ARHGEF2: variants seen among roughly 807,000 people sequenced by gnomAD.
ARHGEF2 encodes rho guanine nucleotide exchange factor 2.
A neutral mutation model predicts 121.0 loss-of-function variants in ARHGEF2; 22 were observed. The ratio of observed to expected loss-of-function variants is 0.18; its 90% CI spans 0.13 to 0.26. The LOEUF (loss-of-function observed/expected upper bound fraction) is 0.26. Ranked by LOEUF, ARHGEF2 falls within the 10% of genes least tolerant of loss-of-function variation. The probability of loss-of-function intolerance (pLI) is 1.00; values close to 1 mark genes in which losing one functional copy is unlikely to be tolerated. For synonymous variants in ARHGEF2, 487 were observed against 530.0 expected (o/e 0.92, Z 1.11); for missense variants, 907 against 1,336.0 (o/e 0.68, Z 5.01).
rs2102631007 is a variant in ARHGEF2 at position 155,951,454 on chromosome 1, T to C, written c.2259+29A>G. 6.2e-7 allele frequency: 1 copy of C among 1,613,838 alleles called. No individual in the cohort carries two copies. The highest frequency in any genetic ancestry group is 2.2e-5 in the East Asian group (1 of 44,864). ...GGCATCTCTAGCCTGGCTCCTCCCC[T>C]TCCCCATTCAAGCCCTTGTCCTACT... On this transcript the variant is annotated intron_variant, in intron 19 of 21. Coordinates refer to ENST00000361247, the MANE Select transcript of ARHGEF2 (RefSeq NM_001162383.2). This position sits in a 1 kb window ranked among gnomAD's most constrained non-coding sequence, Gnocchi z 5.1.
intron 21 of ARHGEF2, among the ~76,000 whole-genome samples, chr1:155,949,528 G>A (rs976815081): frequency 2.6e-5 from 4 of 151,020 alleles, no homozygotes; most frequent in African/African-American, 9.8e-5. Context: ...TGCAGTAAGC[G>A]GAGATCTCAC....
At chr1:155,954,318 C>G (rs1676178053) in intron 14 of ARHGEF2, among the ~76,000 whole-genome samples, 1 of 137,826 alleles carries the variant, frequency 7.3e-6, no homozygotes, top group African/African-American at 2.7e-5. Context: ...GAGTCTCCCT[C>G]TGTTGCCCAG....
chr1:155,967,031 C>T, intron 2 of ARHGEF2, 144 bp from the exon 3 acceptor site: 6 of 696,158 alleles, frequency 8.6e-6, no homozygotes, highest in East Asian at 8.1e-5. Context: ...ATTACCACAC[C>T]CCAGTCCCTC....
At chr1:155,955,029 C>T (rs1202311117) in intron 13 of ARHGEF2, 60 bp from the exon 14 acceptor site, 2 of 1,428,582 alleles carry the variant, frequency 1.4e-6, no homozygotes, top group Middle Eastern at 1.8e-4. Flanking sequence ...AGACCAGAAT[C>T]AGCCTTCCCT....
At chr1:155,958,079 A>G (rs1572098044) in intron 12 of ARHGEF2, among the ~76,000 whole-genome samples, 197 bp from the exon 13 acceptor site, 3 of 152,250 alleles carry the variant, frequency 2.0e-5, no homozygotes, top group African/African-American at 7.2e-5. Flanking sequence ...ACTGACTTGA[A>G]GCTTTACTTT....
At chr1:155,959,208 G>A (rs1677370004) in intron 11 of ARHGEF2, among the ~76,000 whole-genome samples, 1 of 152,028 alleles carries the variant, frequency 6.6e-6, no homozygotes, top group Non-Finnish European at 1.5e-5. Flanking sequence ...GAGCAAGAGG[G>A]ACCATACTTT....
intron 11 of ARHGEF2, among the ~76,000 whole-genome samples, chr1:155,960,955 C>T (rs557777767): frequency 2.0e-5 from 3 of 152,298 alleles, no homozygotes; most frequent in South Asian, 2.1e-4. Context: ...TGTCCTTCAC[C>T]GGCTCAGTCC....
At position 155,962,035 on chromosome 1, in the gene ARHGEF2, GTCATACC is replaced by G; in HGVS notation, c.1219+63_1219+69del. Reference sequence around the variant, plus strand: ...CACACCCGACCCCACCCTTCCTGTGGTCATACCGAGCCTTTCCTCACCCCAGGTGGCC... The same window carrying G: ...CACACCCGACCCCACCCTTCCTGTGGGAGCCTTTCCTCACCCCAGGTGGCC... On this transcript the variant is annotated intron_variant, in intron 10 of 21. Coordinates refer to ENST00000361247, the MANE Select transcript of ARHGEF2 (RefSeq NM_001162383.2). This position sits in a 1 kb window ranked among gnomAD's most constrained non-coding sequence, Gnocchi z 5.8. 6.2e-7 allele frequency: 1 copy of G among 1,606,182 alleles called. No individual in the cohort carries two copies. Among genetic ancestry groups the G allele is most frequent in the Non-Finnish European group, 8.5e-7 (1 of 1,174,044 alleles).
chr1:155,965,292 G>C lies in ARHGEF2; in HGVS notation c.580+11C>G. ...GTTCCTCAGGGCTCCCCTGGGCCCA[G>C]GCCTGCTCACCTTCGTCAATGAGGG... On this transcript the variant is annotated intron_variant, in intron 6 of 21. Coordinates refer to ENST00000361247, the MANE Select transcript of ARHGEF2 (RefSeq NM_001162383.2). This position sits in a 1 kb window ranked among gnomAD's most constrained non-coding sequence, Gnocchi z 6.0. 6.2e-7 allele frequency: 1 copy of C among 1,613,544 alleles called. No individual in the cohort carries two copies. Among genetic ancestry groups the C allele is most frequent in the Non-Finnish European group, 8.5e-7 (1 of 1,179,478 alleles).
intron 14 of ARHGEF2, 94 bp downstream of exon 14, chr1:155,954,808 T>C: frequency 8.2e-7 from 1 of 1,222,858 alleles, no homozygotes; most frequent in Non-Finnish European, 1.2e-6. Context: ...ACACCAGCCC[T>C]CATAGAGCCA....
chr1:155,947,523 G>A lies in ARHGEF2; in HGVS notation c.*419C>T. ...TCTCCTCCAAGACGGATGTTGCAGG[G>A]GAGGGCCGTTAGGGCAAGAACCCAG... On this transcript the variant is annotated 3_prime_UTR_variant, in exon 22 of 22. Transcript: ENST00000361247. The A allele has an allele frequency of 4.6e-6, 2 of 430,552 alleles. No homozygotes were observed. Among genetic ancestry groups the A allele is most frequent in the Non-Finnish European group, 9.3e-6 (2 of 214,026 alleles). 26.7% of individuals were successfully genotyped at this position (430,552 alleles called of 1,614,324 possible).
rs1679171412 is a variant in ARHGEF2, at chr1:155,965,439, C to T, written c.471-27G>A. On this transcript the variant is annotated intron_variant, in intron 5 of 21. Coordinates refer to ENST00000361247, the MANE Select transcript of ARHGEF2 (RefSeq NM_001162383.2). The surrounding 1 kb of genome is among the most constrained non-coding windows in gnomAD (Gnocchi z 6.0). ...TGAAGAAAGTGGAGGCTGTCTGCAT[C>T]ACCCCCAGTCGGGCAAAAGATCCCT... The T allele has an allele frequency of 6.2e-7, 1 of 1,608,778 alleles. No individual in the cohort carries two copies. Among genetic ancestry groups the T allele is most frequent in the South Asian group, 1.1e-5 (1 of 90,912 alleles).
intron 15 of ARHGEF2, 103 bp downstream of exon 15, chr1:155,952,525 G>A: frequency 7.4e-7 from 1 of 1,346,492 alleles, no homozygotes; most frequent in Non-Finnish European, 1.0e-6. Context: ...TGGTTTATAG[G>A]GTTGGCATCC....
At position 155,962,425 on chromosome 1, in the gene ARHGEF2, G is replaced by A. The variant is rs1472495665; in HGVS notation, c.1101+168C>T. On this transcript the variant is annotated intron_variant, in intron 9 of 21. Transcript: ENST00000361247. The surrounding 1 kb of genome is among the most constrained non-coding windows in gnomAD (Gnocchi z 5.8). ...AAAGTACTTGGGAAACTACCACAAC[G>A]TGCTCTAGCATTCTGAGGGGTTACT... The A allele has an allele frequency of 3.1e-5, 35 of 1,119,638 alleles. No homozygotes were observed. Among genetic ancestry groups the A allele is most frequent in the Non-Finnish European group, 4.1e-5 (32 of 777,926 alleles). 69.4% of individuals were successfully genotyped at this position (1,119,638 alleles called of 1,614,324 possible).
intron 13 of ARHGEF2, among the ~76,000 whole-genome samples, chr1:155,956,619 C>T (rs982388024): frequency 5.3e-5 from 8 of 149,986 alleles, no homozygotes; most frequent in African/African-American, 2.0e-4. Flanking sequence ...ATCAGGAGTT[C>T]GAGACCAGCT....
intron 4 of ARHGEF2, among the ~76,000 whole-genome samples, chr1:155,966,179 C>A (rs968473917): frequency 2.0e-5 from 3 of 152,094 alleles, no homozygotes; most frequent in Non-Finnish European, 4.4e-5. Context: ...ATGCAGGCTG[C>A]GGCCAGGCTC....
Position 155,947,631 on chromosome 1 carries a change from C to A in ARHGEF2, c.*311G>T. Reference sequence around the variant, plus strand: ...ATCCCTATGGCTTGGTTCCCATGTCCCTGGTCCTTTAAATCTCCCCTCTCC... The same window carrying A: ...ATCCCTATGGCTTGGTTCCCATGTCACTGGTCCTTTAAATCTCCCCTCTCC... On this transcript the variant is annotated 3_prime_UTR_variant, in exon 22 of 22. Transcript: ENST00000361247. 1 of 378,360 alleles carries A rather than the reference C, an allele frequency of 2.6e-6. No homozygotes were observed. The highest frequency in any genetic ancestry group is 5.0e-6 in the Non-Finnish European group (1 of 200,830). The allele number at this position is 378,360 out of a possible 1,614,324, so 23.4% of individuals were successfully genotyped here.
Position 155,966,830 on chromosome 1 carries a change from A to C in ARHGEF2, c.266T>G (p.Val89Gly). 1 of 1,612,714 alleles carries C rather than the reference A, an allele frequency of 6.2e-7. No homozygotes were observed. Among genetic ancestry groups the C allele is most frequent in the Non-Finnish European group, 8.5e-7 (1 of 1,179,316 alleles). The change falls in exon 3 of 22, where the codon GTC (valine) becomes GGC (glycine). Residue 89 changes from valine to glycine, a missense_variant. Val to Gly is a moderately radical substitution (Grantham distance 109). This residue lies in a region of ARHGEF2 where 475 missense variants were observed against 776.5 expected (regional missense o/e 0.61). Coordinates refer to ENST00000361247, the MANE Select transcript of ARHGEF2 (RefSeq NM_001162383.2). ...CKDTLANCTK[V>G]KQKQQKAALL... ...TCCCTGCCGTCTCACCTTCTGCTTG[A>C]CCTTGGTACAGTTGGCGAGGGTGTC...
intron 1 of ARHGEF2, among the ~76,000 whole-genome samples, chr1:155,973,981 G>A (rs1033513942): frequency 2.8e-4 from 43 of 152,034 alleles, no homozygotes; most frequent in Admixed American, 2.0e-3. Flanking sequence ...ATCCACCCAG[G>A]CGAGGTAGAG....
Sources: allele counts gnomAD v4.1 joint callset (sites outside exome capture counted in the v4.1 genomes callset), GRCh38; gene constraint gnomAD v4.1.1; regional missense constraint gnomAD v4.1.1; non-coding constraint Gnocchi (gnomAD v3.1); transcripts MANE v1.5; gene names NCBI Gene and HGNC (gene_info 2026-07-23, HGNC 2026-07-21).